Variants in CA14 observed in about 807,000 individuals in gnomAD.
The protein encoded by CA14 is CA-XIV.
CA14 carries 44 observed loss-of-function variants against 48.8 expected under a neutral mutation model. That is an observed-to-expected ratio of 0.90 (90% CI 0.71 to 1.16). CA14 has a LOEUF of 1.16. Among genes scored for constraint, CA14 ranks in the 50% most tolerant of loss-of-function variants. The probability of loss-of-function intolerance (pLI) is 0.00; values close to 1 mark genes in which losing one functional copy is unlikely to be tolerated. For missense variants in CA14, 386 were observed against 401.0 expected, an observed-to-expected ratio of 0.96 and a Z score of 0.32; for synonymous variants, 154 against 155.0, an observed-to-expected ratio of 0.99 and a Z score of 0.05.
intron 1 of CA14, among the ~76,000 whole-genome samples, chr1:150,259,155 T>C (rs1650788121): frequency 6.6e-6 from 1 of 152,136 alleles, no homozygotes; most frequent in Non-Finnish European, 1.5e-5. Context: ...CAGCTCTCCC[T>C]TGGGCTAGCA....
chr1:150,262,890 A>G lies in CA14; in HGVS notation c.562+20A>G. ...ATAAAGGTGAGCCTTAAAAATCTATAGCAGGAAGTAAGATTAGACTTTCAA... is the reference window on the plus strand; with the variant it reads ...ATAAAGGTGAGCCTTAAAAATCTATGGCAGGAAGTAAGATTAGACTTTCAA... On this transcript the variant is annotated intron_variant, in intron 6 of 10. Transcript: ENST00000369111. The G allele has an allele frequency of 6.3e-7, 1 of 1,599,672 alleles. No individual in the cohort carries two copies. Among genetic ancestry groups the G allele is most frequent in the African/African-American group, 1.3e-5 (1 of 74,758 alleles).
intron 10 of CA14, among the ~76,000 whole-genome samples, chr1:150,264,241 T>C (rs782061008): frequency 6.7e-6 from 1 of 149,438 alleles, no homozygotes; most frequent in Non-Finnish European, 1.5e-5. Context: ...GTTCTCACTG[T>C]TGTCGAGGCT....
In CA14 at chr1:150,263,977, G is replaced by A. The variant is rs1316411515; in HGVS notation, c.947+99G>A. 4 of 836,092 alleles carry A rather than the reference G, an allele frequency of 4.8e-6. No homozygotes were observed. The Admixed American group carries it at 7.1e-5, about 15-fold the overall frequency. The allele number at this position is 836,092 out of a possible 1,614,324, so 51.8% of individuals were successfully genotyped here. A position where few individuals can be genotyped will look rare whatever the true frequency, so the allele number is the denominator to read the frequency against. ...CTTGCTCTGTTACTCAGTCTGGAGT[G>A]CAGTGGTGTGCAATCTCAGCTCACT... On this transcript the variant is annotated intron_variant, in intron 10 of 10. Coordinates refer to ENST00000369111, the MANE Select transcript of CA14 (RefSeq NM_012113.3).
Position 150,264,644 on chromosome 1 carries a change from C to G in CA14, c.999C>G (p.Ala333=). 2 of 1,612,912 alleles carry G rather than the reference C, an allele frequency of 1.2e-6. No individual in the cohort carries two copies. The highest frequency in any genetic ancestry group is 1.7e-6 in the Non-Finnish European group (2 of 1,179,392). The change falls in exon 11 of 11, where the codon GCC becomes GCG. Residue 333 remains alanine (A), a synonymous_variant. Transcript: ENST00000369111. The part of the protein sequence containing the change: ...RKSVVFTSAQ[A]TTEA ...GTGTGGTCTTCACCTCAGCACAAGC[C>G]ACGACTGAGGCATAAATTCCTTCTC...
At position 150,263,192 on chromosome 1, in the gene CA14, T is replaced by C. The variant is rs782442582; in HGVS notation, c.713T>C (p.Met238Thr). ...TVFYRRSQIS[M>T]EQLEKLQGTL... ...TTTTATAGAAGGTCCCAGATTTCAA[T>C]GGAACAGGTAAGTGGTGGAGAAACG... Residue 238 changes from methionine to threonine, a missense_variant, in exon 7 of 11, where the codon ATG becomes ACG. Coordinates refer to ENST00000369111, the MANE Select transcript of CA14 (RefSeq NM_012113.3). 5 of 1,614,134 alleles carry C rather than the reference T, an allele frequency of 3.1e-6. No homozygotes were observed. The East Asian group carries it at 1.1e-4, about 36-fold the overall frequency.
chr1:150,261,320 A>C (rs1651010280), intron 2 of CA14, 139 bp from the exon 3 acceptor site: 1 of 713,582 alleles, frequency 1.4e-6, no homozygotes, highest in Admixed American at 2.7e-5. Flanking sequence ...CTGGGGTCTT[A>C]ACCTGGGTGG....
chr1:150,264,614 A>C lies in CA14; in HGVS notation c.969A>C (p.Arg323=). 1.2e-6 allele frequency: 2 copies of C among 1,612,254 alleles called. No individual in the cohort carries two copies. The highest frequency in any genetic ancestry group is 1.3e-5 in the African/African-American group (1 of 74,996). The part of the protein sequence containing the change: ...RKIRKKRLEN[R]KSVVFTSAQA... ...CCAGGAAGAAGAGGCTGGAAAACCG[A>C]AAGAGTGTGGTCTTCACCTCAGCAC... Residue 323 remains arginine, a synonymous_variant, in exon 11 of 11, where the codon CGA becomes CGC. Coordinates refer to ENST00000369111, the MANE Select transcript of CA14 (RefSeq NM_012113.3).
At chr1:150,262,451 T>C (rs1462878815) in intron 4 of CA14, 74 bp from the exon 5 acceptor site, 3 of 1,476,034 alleles carry the variant, frequency 2.0e-6, no homozygotes, top group Middle Eastern at 1.7e-4. Context: ...AGCGGGGGGA[T>C]GGTGGCAGCT....
rs1310508635 is a variant in CA14 at position 150,264,815 on chromosome 1, C to T, written c.*156C>T. ...TCTCCTAGAGAGGAATGGACCCAGG[C>T]TGTCATTCCAGGAAGAACTGCAGAG... On this transcript the variant is annotated 3_prime_UTR_variant, in exon 11 of 11. Transcript: ENST00000369111. 18 of 528,740 alleles carry T rather than the reference C, an allele frequency of 3.4e-5. No homozygotes were observed. The highest frequency in any genetic ancestry group is 6.0e-5 in the Non-Finnish European group (18 of 298,420). The allele number at this position is 528,740 out of a possible 1,614,324, so 32.8% of individuals were successfully genotyped here.
chr1:150,258,247 T>A, intron 1 of CA14, 64 bp downstream of exon 1: 1 of 1,374,108 alleles, frequency 7.3e-7, no homozygotes, highest in Admixed American at 1.8e-5. Flanking sequence ...CAGGTGTGCT[T>A]AATGGGGGGA....
At chr1:150,259,409 G>C (rs1335581685) in intron 1 of CA14, among the ~76,000 whole-genome samples, 1 of 152,110 alleles carries the variant, frequency 6.6e-6, no homozygotes, top group African/African-American at 2.4e-5. Flanking sequence ...ATGTGACCCA[G>C]CTGGCAGCTC....
In CA14 at chr1:150,258,260, A is replaced by G. The variant is rs2101824524; in HGVS notation, c.55+77A>G. The G allele has an allele frequency of 2.4e-6, 3 of 1,248,106 alleles. No individual in the cohort carries two copies. The East Asian group carries it at 7.4e-5, about 31-fold the overall frequency. The allele number at this position is 1,248,106 out of a possible 1,614,324, so 77.3% of individuals were successfully genotyped here. ...GCCAGGTGTGCTTAATGGGGGGAGGAGAGGTGTGAAAGGAAGCCTAGAGGC... is the reference window on the plus strand; with the variant it reads ...GCCAGGTGTGCTTAATGGGGGGAGGGGAGGTGTGAAAGGAAGCCTAGAGGC... On this transcript the variant is annotated intron_variant, in intron 1 of 10. Coordinates refer to ENST00000369111, the MANE Select transcript of CA14 (RefSeq NM_012113.3).
rs782633582 is a variant in CA14, at chr1:150,263,648, T to C, written c.842-11T>C. On this transcript the variant is annotated splice_polypyrimidine_tract_variant and intron_variant, in intron 8 of 10. Coordinates refer to ENST00000369111, the MANE Select transcript of CA14 (RefSeq NM_012113.3). ...TCTGAAGTCCCACTGACCCATTTTC[T>C]TCTCTTACAGCAGGATCCTCGTATA... 3 of 1,613,898 alleles carry C rather than the reference T, an allele frequency of 1.9e-6. No individual in the cohort carries two copies. The highest frequency in any genetic ancestry group is 2.5e-6 in the Non-Finnish European group (3 of 1,179,894).
Position 150,263,877 on chromosome 1 carries a change from C to CGGTGA in CA14, c.947+2_947+6dup, listed in dbSNP as rs782313266. On this transcript the variant is annotated stop_gained and frameshift_variant and splice_region_variant, in exon 10 of 11. Coordinates refer to ENST00000369111, the MANE Select transcript of CA14 (RefSeq NM_012113.3). LOFTEE classifies it high-confidence loss of function. The stretch of plus-strand genomic sequence containing the variant: ...TGTTTATTTCATTGCTAGAAAGATT[C>CGGTGA]GGTGAGGCCCTACTTTCCATTCCTC... 5 of 1,575,184 alleles carry CGGTGA rather than the reference C, an allele frequency of 3.2e-6. No homozygotes were observed. The South Asian group carries it at 5.5e-5, about 17-fold the overall frequency.
At chr1:150,259,806 G>A (rs1366143766) in intron 1 of CA14, among the ~76,000 whole-genome samples, 1 of 147,868 alleles carries the variant, frequency 6.8e-6, no homozygotes. Flanking sequence ...AATCTTCTAA[G>A]TGTTAGATTG....
At position 150,261,476 on chromosome 1, in the gene CA14, C is replaced by T; in HGVS notation, c.94C>T (p.His32Tyr). ...WTYEGPHGQD[H>Y]WPASYPECGN... ...CCCACCAGGCCCACATGGTCAGGAC[C>T]ATTGGCCAGCCTCTTACCCTGAGTG... Residue 32 changes from histidine (H) to tyrosine (Y), a missense_variant, in exon 3 of 11, where the codon CAT (histidine) becomes TAT (tyrosine). Transcript: ENST00000369111. The T allele has an allele frequency of 6.2e-7, 1 of 1,614,024 alleles. No individual in the cohort carries two copies. The highest frequency in any genetic ancestry group is 8.5e-7 in the Non-Finnish European group (1 of 1,179,922).
chr1:150,262,127 C>CA, intron 3 of CA14, 31 bp from the exon 4 acceptor site: 2 of 1,613,826 alleles, frequency 1.2e-6, no homozygotes, highest in South Asian at 2.2e-5. Context: ...CACATGCCTC[C>CA]ACCAATCCGA....
chr1:150,263,406 T>A lies in CA14; in HGVS notation c.828T>A (p.Ala276=). ...LQPLNQRMVF[A]SFIQAGSSYT... is the part of the protein sequence containing the mutation. Reference sequence around the variant, plus strand: ...CTCTCAATCAGCGCATGGTCTTTGCTTCTTTCATCCAAGGTGATTCTGCAC... The same window carrying A: ...CTCTCAATCAGCGCATGGTCTTTGCATCTTTCATCCAAGGTGATTCTGCAC... Residue 276 remains alanine (A), a synonymous_variant, in exon 8 of 11, where the codon GCT becomes GCA. Coordinates refer to ENST00000369111, the MANE Select transcript of CA14 (RefSeq NM_012113.3). 6.2e-7 allele frequency: 1 copy of A among 1,614,144 alleles called. No individual in the cohort carries two copies. Among genetic ancestry groups the A allele is most frequent in the Non-Finnish European group, 8.5e-7 (1 of 1,180,040 alleles).
intron 2 of CA14, chr1:150,260,486 G>A (rs1650919885): frequency 4.3e-6 from 2 of 468,890 alleles, no homozygotes; most frequent in Non-Finnish European, 4.0e-6. Context: ...TTCTGGCTCC[G>A]TCTATCCTAA....
Sources: gnomAD v4.1 joint callset for allele counts (sites outside exome capture counted in the v4.1 genomes callset) on GRCh38, gnomAD v4.1.1 for gene constraint, MANE v1.5 for transcripts, NCBI Gene and HGNC (gene_info 2026-07-23, HGNC 2026-07-21) for gene names.